The following DNAH8 variants were observed in gnomAD, a reference collection of about 807,000 sequenced individuals.
DNAH8 encodes the protein axonemal beta dynein heavy chain 8.
Under a neutral mutation model 562.1 loss-of-function variants are expected in DNAH8, and 382 were observed. The observed-to-expected ratio is 0.68, with a 90% CI of 0.63 to 0.74. The LOEUF (loss-of-function observed/expected upper bound fraction) is 0.74, where lower values mean the gene tolerates loss of function less well. Among genes scored for constraint, DNAH8 ranks in the 30% least tolerant of loss-of-function variants. The probability of loss-of-function intolerance (pLI) is 0.00; values close to 1 mark genes in which losing one functional copy is unlikely to be tolerated. For missense variants in DNAH8, 5,203 were observed against 5,620.4 expected, an observed-to-expected ratio of 0.93 and a Z score of 2.37; for synonymous variants, 1,881 against 1,919.4, an observed-to-expected ratio of 0.98 and a Z score of 0.52.
intron 88 of DNAH8, among the ~76,000 whole-genome samples, chr6:39,004,963 A>T (rs915759237): frequency 6.6e-6 from 1 of 152,216 alleles, no homozygotes; most frequent in African/African-American, 2.4e-5. Context: ...TGGGGCTGTT[A>T]AGAACACTGC....
Position 38,737,237 on chromosome 6 carries a change from A to T in DNAH8, c.933A>T (p.Arg311Ser), listed in dbSNP as rs200985360. The T allele has an allele frequency of 1.4e-5, 21 of 1,449,842 alleles. No homozygotes were observed. The African/African-American group carries it at 2.9e-4, about 20-fold the overall frequency. 89.8% of individuals were successfully genotyped at this position (1,449,842 alleles called of 1,614,324 possible). The change falls in exon 6 of 93, where the codon AGA (arginine) becomes AGT (serine). Residue 311 changes from arginine (R) to serine (S), a missense_variant. Arg to Ser is a moderately radical substitution (Grantham distance 110). Around this residue, in one of 6 missense-constraint regions of DNAH8, gnomAD observed 556 missense variants for 496.9 expected, o/e 1.12. Transcript: ENST00000327475. ...EKHIFTETIN[R>S]YLSFLDGARI... ...ATATTTTCACTGAAACCATCAACAG[A>T]TATCTTTCATTTTTAGATGGTAAGT... is the stretch of plus-strand genomic sequence containing the variant.
At position 38,900,044 on chromosome 6, in the gene DNAH8, TACGC is replaced by T. The variant is rs1353435725; in HGVS notation, c.9194+140_9194+143del. 41 of 706,828 alleles carry T rather than the reference TACGC, an allele frequency of 5.8e-5. No homozygotes were observed. In the East Asian group the frequency reaches 1.4e-3, roughly 24 times the overall value. 43.8% of individuals were successfully genotyped at this position (706,828 alleles called of 1,614,324 possible). ...TAAGTATTATATATATAAGGATATTTACGCAAGTGTCACAAAGTAAATACATCTA... is the reference window on the plus strand; with the variant it reads ...TAAGTATTATATATATAAGGATATTTAAGTGTCACAAAGTAAATACATCTA... On this transcript the variant is annotated intron_variant, in intron 62 of 92. Transcript: ENST00000327475.
intron 32 of DNAH8, among the ~76,000 whole-genome samples, chr6:38,835,684 T>C (rs1362098342): frequency 6.6e-6 from 1 of 150,984 alleles, no homozygotes; most frequent in Non-Finnish European, 1.5e-5. Flanking sequence ...ATGTAAGGAG[T>C]GCAGGGTGGG....
intron 63 of DNAH8, 86 bp downstream of exon 63, chr6:38,906,493 A>G: frequency 9.1e-7 from 1 of 1,101,826 alleles, no homozygotes; most frequent in Non-Finnish European, 1.2e-6. Context: ...TTCAAAAATG[A>G]GGCTATTTAG....
intron 22 of DNAH8, 84 bp downstream of exon 22, chr6:38,803,395 A>C: frequency 1.0e-6 from 1 of 970,322 alleles, no homozygotes; most frequent in South Asian, 1.9e-5. Flanking sequence ...CAGGTACTGA[A>C]TTCCAGACCC....
At chr6:38,734,173 G>A (rs1310312453) in intron 4 of DNAH8, among the ~76,000 whole-genome samples, 2 of 151,688 alleles carry the variant, frequency 1.3e-5, no homozygotes, top group Non-Finnish European at 2.9e-5. Flanking sequence ...TGTAGTCCCA[G>A]CTACTTGGGA....
At chr6:38,834,049 C>T (rs1416672406) in intron 31 of DNAH8, among the ~76,000 whole-genome samples, 1 of 152,130 alleles carries the variant, frequency 6.6e-6, no homozygotes, top group African/African-American at 2.4e-5. Flanking sequence ...CCAGACACTG[C>T]TTTCTGCTTC....
At chr6:38,917,544 C>A (rs1781401339) in intron 69 of DNAH8, 138 bp downstream of exon 69, 4 of 733,982 alleles carry the variant, frequency 5.4e-6, no homozygotes, top group African/African-American at 1.8e-5. Context: ...ACTCCATCAC[C>A]TAAAATGTAA....
At position 38,938,736 on chromosome 6, in the gene DNAH8, T is replaced by C. The variant is rs1253143424; in HGVS notation, c.11817-62T>C. 2.4e-6 allele frequency: 3 copies of C among 1,251,776 alleles called. No individual in the cohort carries two copies. The East Asian group carries it at 7.1e-5, about 30-fold the overall frequency. 77.5% of individuals were successfully genotyped at this position (1,251,776 alleles called of 1,614,324 possible). A position where few individuals can be genotyped will look rare whatever the true frequency, so the allele number is the denominator to read the frequency against. On this transcript the variant is annotated intron_variant, in intron 78 of 92. Transcript: ENST00000327475. The stretch of plus-strand genomic sequence containing the variant: ...CAAACCTTCATGTGTACCCCTGAAC[T>C]TGAAAGTTTTTTAAAAAAAGAAATT...
chr6:39,023,939 A>G (rs932550550), intron 91 of DNAH8, among the ~76,000 whole-genome samples: 1 of 152,266 alleles, frequency 6.6e-6, no homozygotes, highest in Admixed American at 6.5e-5. Flanking sequence ...GCTAAGCATT[A>G]GGAGACTTAT....
In DNAH8 at chr6:38,842,872, C is replaced by T. The variant is rs1406662777; in HGVS notation, c.4814C>T (p.Ala1605Val). ...TTTTGCCTTAGAAATATCATGGAAG[C>T]ACCACTCCTTAAACATAAGGATGAT... ...DSFCLRNIME[A>V]PLLKHKDDIE... The change falls in exon 35 of 93, where the codon GCA (alanine) becomes GTA (valine). Residue 1605 changes from alanine (A) to valine (V), a missense_variant. By Grantham distance (64) the Ala-to-Val change is moderately conservative (BLOSUM62 0). This residue lies in a region of DNAH8 where 2,176 missense variants were observed against 2,365.1 expected (regional missense o/e 0.92). Transcript: ENST00000327475. 6.2e-7 allele frequency: 1 copy of T among 1,613,594 alleles called. No individual in the cohort carries two copies. Among genetic ancestry groups the T allele is most frequent in the African/African-American group, 1.3e-5 (1 of 75,004 alleles).
chr6:38,786,159 A>T (rs910683224), intron 17 of DNAH8, among the ~76,000 whole-genome samples: 17 of 152,352 alleles, frequency 1.1e-4, no homozygotes, highest in Admixed American at 9.8e-4. Context: ...ATTTCAATTC[A>T]TAATAAAATA....
chr6:38,827,729 CAAACTTTTTTT>C (rs1773468063), intron 29 of DNAH8, among the ~76,000 whole-genome samples: 1 of 69,794 alleles, frequency 1.4e-5, no homozygotes, highest in Non-Finnish European at 2.7e-5. Context: ...AATTCTTTAC[CAAACTTTTTTT>C]TTTTTTTTTT....
At chr6:38,871,940 G>T (rs775090760) in intron 49 of DNAH8, among the ~76,000 whole-genome samples, 1 of 152,172 alleles carries the variant, frequency 6.6e-6, no homozygotes, top group African/African-American at 2.4e-5. Context: ...AGTCTCCCGA[G>T]GGATCAGGCT....
rs763618026 is a variant in DNAH8 at position 38,909,569 on chromosome 6, G to A, written c.9565G>A (p.Gly3189Ser). ...RSLKFPGLIS[G>S]CTMDWFSRWP... Reference sequence around the variant, plus strand: ...TTTGAAATTTCCTGGCTTGATATCAGGTTGCACTATGGACTGGTTCAGCCG... The same window carrying A: ...TTTGAAATTTCCTGGCTTGATATCAAGTTGCACTATGGACTGGTTCAGCCG... The change falls in exon 65 of 93, where the codon GGT (glycine) becomes AGT (serine). Residue 3189 changes from glycine to serine, a missense_variant. Physicochemically the swap from Gly to Ser is moderately conservative, Grantham distance 56. Coordinates refer to ENST00000327475, the MANE Select transcript of DNAH8 (RefSeq NM_001206927.2). 1 of 1,614,110 alleles carries A rather than the reference G, an allele frequency of 6.2e-7. No individual in the cohort carries two copies. The highest frequency in any genetic ancestry group is 8.5e-7 in the Non-Finnish European group (1 of 1,180,002).
intron 41 of DNAH8, among the ~76,000 whole-genome samples, chr6:38,856,763 T>G (rs1414776166): frequency 6.6e-6 from 1 of 152,146 alleles, no homozygotes; most frequent in Non-Finnish European, 1.5e-5. Context: ...CCAAGCAGTA[T>G]CCACATACTG....
chr6:38,812,087 G>A (rs1290560412), intron 24 of DNAH8, among the ~76,000 whole-genome samples: 1 of 152,144 alleles, frequency 6.6e-6, no homozygotes, highest in Non-Finnish European at 1.5e-5. Flanking sequence ...AGATGGGAGA[G>A]CATCATCTTA....
At chr6:39,009,728 A>G (rs1766059716) in intron 89 of DNAH8, among the ~76,000 whole-genome samples, 1 of 152,204 alleles carries the variant, frequency 6.6e-6, no homozygotes, top group South Asian at 2.1e-4. Context: ...AGTCTTAACT[A>G]GTTTTAGCAT....
intron 89 of DNAH8, among the ~76,000 whole-genome samples, chr6:39,010,820 CGTAT>C (rs1554163117): frequency 0.033 from 4,377 of 132,722 alleles, 125 homozygotes; most frequent in African/African-American, 0.065. Context: ...CACACACACA[CGTAT>C]GTATGTATGT....
Sources: gnomAD v4.1 joint callset for allele counts (sites outside exome capture counted in the v4.1 genomes callset) on GRCh38, gnomAD v4.1.1 for gene constraint, gnomAD v4.1.1 regional missense constraint, MANE v1.5 for transcripts, NCBI Gene and HGNC (gene_info 2026-07-23, HGNC 2026-07-21) for gene names.